The following BBS1 variants were observed in gnomAD, a reference collection of about 807,000 sequenced individuals.
The protein encoded by BBS1 is BBSome complex member BBS1.
BBS1 carries 60 observed loss-of-function variants against 73.9 expected under a neutral mutation model. The ratio of observed to expected loss-of-function variants is 0.81; its 90% CI spans 0.66 to 1.01. The LOEUF (loss-of-function observed/expected upper bound fraction) is 1.01, where lower values mean the gene tolerates loss of function less well. Among genes scored for constraint, BBS1 ranks in the 50% least tolerant of loss-of-function variants. The pLI, the probability that BBS1 is intolerant of heterozygous loss-of-function variation, is 0.00. For synonymous variants in BBS1, 283 were observed against 317.4 expected, an observed-to-expected ratio of 0.89 and a Z score of 1.15; for missense variants, 718 against 770.3, an observed-to-expected ratio of 0.93 and a Z score of 0.80.
At chr11:66,523,386 C>T (rs1335808510) in intron 9 of BBS1, 70 bp from the exon 10 acceptor site, 1 of 1,610,802 alleles carries the variant, frequency 6.2e-7, no homozygotes, top group East Asian at 2.2e-5. Flanking sequence ...GAGGTTTAGA[C>T]AGAGGAGGGT....
intron 3 of BBS1, 93 bp from the exon 4 acceptor site, chr11:66,514,313 A>G: frequency 6.6e-7 from 1 of 1,504,108 alleles, no homozygotes; most frequent in South Asian, 1.1e-5. Context: ...TGGTGCAGGA[A>G]TGAATGAATG....
At chr11:66,518,506 C>A (rs938025850) in intron 7 of BBS1, among the ~76,000 whole-genome samples, 5 of 150,802 alleles carry the variant, frequency 3.3e-5, no homozygotes, top group African/African-American at 1.2e-4. Flanking sequence ...TGCTCTGTCA[C>A]CCAGGCTGGA....
intron 3 of BBS1, 42 bp downstream of exon 3, chr11:66,511,281 G>A: frequency 6.2e-7 from 1 of 1,606,272 alleles, no homozygotes; most frequent in South Asian, 1.1e-5. Context: ...GGGTAGGGGG[G>A]TGTACCCAGA....
Position 66,531,663 on chromosome 11 carries a change from T to G in BBS1, c.1616T>G (p.Leu539Trp), listed in dbSNP as rs756392580. 1 of 1,614,004 alleles carries G rather than the reference T, an allele frequency of 6.2e-7. No individual in the cohort carries two copies. The highest frequency in any genetic ancestry group is 1.3e-5 in the African/African-American group (1 of 74,906). ...SLPRAFFKVP[L>W]LVPGLNYPLE... ...CTTTGTCCCCAAACTTAGGTACCCT[T>G]GCTGGTGCCAGGGCTCAACTACCCC... Residue 539 changes from leucine (L) to tryptophan (W), a missense_variant, in exon 16 of 17, where the codon TTG becomes TGG. Leu to Trp is a moderately conservative substitution (Grantham distance 61). Transcript: ENST00000318312.
intron 11 of BBS1, 70 bp from the exon 12 acceptor site, chr11:66,526,053 C>G (rs1856474384): frequency 2.1e-6 from 3 of 1,431,172 alleles, no homozygotes; most frequent in Non-Finnish European, 2.0e-6. Context: ...TGGGGCCTCC[C>G]CTACCCATCC....
chr11:66,523,965 C>A, intron 11 of BBS1, 83 bp downstream of exon 11: 1 of 1,571,968 alleles, frequency 6.4e-7, no homozygotes, highest in South Asian at 1.1e-5. Context: ...CTCTTCCGAC[C>A]ACACATTGAT....
At chr11:66,529,776 AC>A (rs779591070) in intron 13 of BBS1, 42 bp from the exon 14 acceptor site, 9 of 1,604,078 alleles carry the variant, frequency 5.6e-6, no homozygotes, top group African/African-American at 2.7e-5. Flanking sequence ...CCTCCCTGCC[AC>A]CCCCCACCTC....
chr11:66,527,097 C>T, intron 13 of BBS1: 1 of 1,389,866 alleles, frequency 7.2e-7, no homozygotes, highest in Non-Finnish European at 9.8e-7. Flanking sequence ...AGAATTTTGA[C>T]TGGGCATGGT....
intron 9 of BBS1, among the ~76,000 whole-genome samples, chr11:66,522,263 C>T (rs1335596493): frequency 6.6e-6 from 1 of 151,538 alleles, no homozygotes; most frequent in Non-Finnish European, 1.5e-5. Context: ...AAAAAATTTC[C>T]CATATTTGTT....
chr11:66,520,887 T>A, intron 8 of BBS1: 1 of 334,204 alleles, frequency 3.0e-6, no homozygotes, highest in South Asian at 2.5e-5. Context: ...CCCAGCTAAG[T>A]TTTGTACTTT....
At position 66,516,019 on chromosome 11, in the gene BBS1, A is replaced by G. The variant is rs1188027103; in HGVS notation, c.591+86A>G. On this transcript the variant is annotated intron_variant, in intron 7 of 16. Transcript: ENST00000318312. ...CTTAACATCAGTGGTAAATTCTATAAGCAAACCCAACCAGTATCTCTTTGC... is the reference window on the plus strand; with the variant it reads ...CTTAACATCAGTGGTAAATTCTATAGGCAAACCCAACCAGTATCTCTTTGC... 1.1e-5 allele frequency: 15 copies of G among 1,343,512 alleles called. No individual in the cohort carries two copies. The Admixed American group carries it at 2.3e-4, about 20-fold the overall frequency. 83.2% of individuals were successfully genotyped at this position (1,343,512 alleles called of 1,614,324 possible). A position where few individuals can be genotyped will look rare whatever the true frequency, so the allele number is the denominator to read the frequency against.
At chr11:66,515,042 T>C (rs1396665453) in intron 4 of BBS1, among the ~76,000 whole-genome samples, 1 of 152,072 alleles carries the variant, frequency 6.6e-6, no homozygotes, top group East Asian at 1.9e-4. Flanking sequence ...GGTCTTGAAC[T>C]CCTGGCCTCA....
At chr11:66,510,774 C>G in intron 1 of BBS1, 68 bp downstream of exon 1, 1 of 1,599,540 alleles carries the variant, frequency 6.3e-7, no homozygotes, top group Non-Finnish European at 8.6e-7. Context: ...TCCCCGGGCT[C>G]TGGGCTCCTG....
In BBS1 at chr11:66,523,582, G is replaced by GC. The variant is rs1435573561; in HGVS notation, c.951+11dup. ...TGCATGGCTTCACCCACAAGGTGCAGCCCCCAGCAAGCAGCAGCCCCTCCA... is the reference window on the plus strand; with the variant it reads ...TGCATGGCTTCACCCACAAGGTGCAGCCCCCCAGCAAGCAGCAGCCCCTCCA... On this transcript the variant is annotated splice_region_variant and intron_variant, in intron 10 of 16. Coordinates refer to ENST00000318312, the MANE Select transcript of BBS1 (RefSeq NM_024649.5). 4 of 1,614,102 alleles carry GC rather than the reference G, an allele frequency of 2.5e-6. 1 individual carries two copies. Among genetic ancestry groups the GC allele is most frequent in the Non-Finnish European group, 2.5e-6 (3 of 1,180,020 alleles).
At chr11:66,518,083 G>A (rs562880270) in intron 7 of BBS1, among the ~76,000 whole-genome samples, 3 of 144,466 alleles carry the variant, frequency 2.1e-5, no homozygotes, top group Admixed American at 7.0e-5. Flanking sequence ...GCAGCCTCCC[G>A]AGTAGATGGG....
At chr11:66,517,017 G>A (rs557883492) in intron 7 of BBS1, among the ~76,000 whole-genome samples, 1 of 152,164 alleles carries the variant, frequency 6.6e-6, no homozygotes, top group East Asian at 1.9e-4. Flanking sequence ...GGCTAACATG[G>A]TGAAACCCTG....
rs1227070881 is a variant in BBS1 at position 66,519,879 on chromosome 11, G to T, written c.723+131G>T. 3.2e-6 allele frequency: 4 copies of T among 1,246,786 alleles called. No homozygotes were observed. The African/African-American group carries it at 4.5e-5, about 14-fold the overall frequency. The allele number at this position is 1,246,786 out of a possible 1,614,324, so 77.2% of individuals were successfully genotyped here. A position where few individuals can be genotyped will look rare whatever the true frequency, so the allele number is the denominator to read the frequency against. On this transcript the variant is annotated intron_variant, in intron 8 of 16. Transcript: ENST00000318312. ...TAGAAACTAGATAAGCATTAAAAAA[G>T]ATATATATCCAAAAATCCTACCGCC...
rs113822005 is a variant in BBS1 at position 66,514,421 on chromosome 11, C to G, written c.175C>G (p.Leu59Val). The G allele has an allele frequency of 1.5e-5, 25 of 1,614,132 alleles. 1 individual carries two copies. The African/African-American group carries it at 1.9e-4, about 12-fold the overall frequency. The part of the protein sequence containing the change: ...DGEYKLVVGD[L>V]GPGGQQPRLK... ...CTCCCTGCAGCTGGTGGTAGGGGAC[C>G]TTGGCCCTGGTGGGCAGCAGCCCCG... Residue 59 changes from leucine (L) to valine (V), a missense_variant, in exon 4 of 17, where the codon CTT becomes GTT. By Grantham distance (32) the Leu-to-Val change is conservative (BLOSUM62 1). Coordinates refer to ENST00000318312, the MANE Select transcript of BBS1 (RefSeq NM_024649.5).
intron 9 of BBS1, chr11:66,522,981 G>A (rs761043792): frequency 8.2e-6 from 3 of 366,386 alleles, no homozygotes; most frequent in Non-Finnish European, 1.6e-5. Context: ...ATTGGCGTGT[G>A]CTCCTCGAAT....
Sources: gnomAD v4.1 joint callset for allele counts (sites outside exome capture counted in the v4.1 genomes callset) on GRCh38, gnomAD v4.1.1 for gene constraint, MANE v1.5 for transcripts, NCBI Gene and HGNC (gene_info 2026-07-23, HGNC 2026-07-21) for gene names.